The following IL1R1 variants were observed in gnomAD, a reference collection of about 807,000 sequenced individuals.
The protein encoded by IL1R1 is interleukin-1 receptor type 1.
IL1R1 carries 22 observed loss-of-function variants against 50.2 expected under a neutral mutation model. The ratio of observed to expected loss-of-function variants is 0.44; its 90% CI spans 0.31 to 0.63. The LOEUF (loss-of-function observed/expected upper bound fraction) is 0.63, where lower values mean the gene tolerates loss of function less well. Ranked by LOEUF, IL1R1 falls within the 20% of genes least tolerant of loss-of-function variation. IL1R1 has a pLI of 0.07. For synonymous variants in IL1R1, 251 were observed against 236.7 expected (o/e 1.06, Z -0.55); for missense variants, 509 against 676.2 (o/e 0.75, Z 2.74).
At chr2:102,126,520 T>C (rs1314355983) in intron 1 of IL1R1, among the ~76,000 whole-genome samples, 2 of 152,190 alleles carry the variant, frequency 1.3e-5, no homozygotes, top group East Asian at 3.8e-4. Context: ...TTTGTGTTTA[T>C]ATGACAAACA....
chr2:102,153,366 G>A (rs144830946), intron 1 of IL1R1, among the ~76,000 whole-genome samples: 8 of 152,298 alleles, frequency 5.3e-5, no homozygotes, highest in Non-Finnish European at 1.2e-4. Flanking sequence ...TGGTTGTCAA[G>A]CTCTTTGTAT....
At chr2:102,127,244 A>G (rs1681764884) in intron 1 of IL1R1, among the ~76,000 whole-genome samples, 1 of 152,200 alleles carries the variant, frequency 6.6e-6, no homozygotes, top group Non-Finnish European at 1.5e-5. Flanking sequence ...TAAAATTAAT[A>G]CCTGCACATT....
intron 1 of IL1R1, among the ~76,000 whole-genome samples, chr2:102,098,702 G>T (rs1278723812): frequency 6.6e-6 from 1 of 152,194 alleles, no homozygotes; most frequent in Non-Finnish European, 1.5e-5. Flanking sequence ...GGAAAAAAAA[G>T]AGTAGGTGGG....
At chr2:102,140,933 T>C (rs752763225), upstream of IL1R1, among the ~76,000 whole-genome samples, 6 of 152,106 alleles carry the variant, frequency 3.9e-5, no homozygotes, top group Non-Finnish European at 7.4e-5. Context: ...GGACACTGGG[T>C]AGGAGTGGCT....
chr2:102,081,258 G>A (rs1256372281), intron 1 of IL1R1, among the ~76,000 whole-genome samples: 3 of 152,158 alleles, frequency 2.0e-5, no homozygotes, highest in African/African-American at 7.2e-5. Flanking sequence ...GAATATATGA[G>A]AGTATCTATT....
intron 1 of IL1R1, among the ~76,000 whole-genome samples, chr2:102,076,858 C>T (rs940622940): frequency 1.3e-5 from 2 of 151,910 alleles, no homozygotes; most frequent in Non-Finnish European, 2.9e-5. Context: ...GGGTTTGTAG[C>T]CATTATTTAT....
intron 1 of IL1R1, among the ~76,000 whole-genome samples, chr2:102,095,450 A>G (rs6760922): frequency 0.75 from 114,436 of 152,180 alleles, 43,252 homozygotes; most frequent in Admixed American, 0.8. Flanking sequence ...AAATTTTTAC[A>G]TTAAAGAATA....
chr2:102,085,665 C>A (rs1243153615), intron 1 of IL1R1, among the ~76,000 whole-genome samples: 2 of 151,720 alleles, frequency 1.3e-5, no homozygotes, highest in Non-Finnish European at 2.9e-5. Context: ...TTTACTATTC[C>A]TCAAGATTGC....
chr2:102,111,609 T>C (rs1680767388), intron 1 of IL1R1, among the ~76,000 whole-genome samples: 2 of 152,026 alleles, frequency 1.3e-5, no homozygotes, highest in Non-Finnish European at 2.9e-5. Context: ...AATAGAAAGA[T>C]GAAGAAAATT....
chr2:102,101,191 G>T (rs1680126209), upstream of IL1R1, among the ~76,000 whole-genome samples: 1 of 152,208 alleles, frequency 6.6e-6, no homozygotes, highest in African/African-American at 2.4e-5. Context: ...GCTCCTTGGT[G>T]ATGCTCTTGG....
chr2:102,156,863 T>C (rs575173103), intron 2 of IL1R1, among the ~76,000 whole-genome samples: 1 of 152,364 alleles, frequency 6.6e-6, no homozygotes, highest in South Asian at 2.1e-4. Flanking sequence ...AATGACTGCA[T>C]GTCATTAGAA....
At chr2:102,166,529 G>A (rs1387648726) in intron 6 of IL1R1, among the ~76,000 whole-genome samples, 1 of 152,112 alleles carries the variant, frequency 6.6e-6, no homozygotes, top group Non-Finnish European at 1.5e-5. Flanking sequence ...TGATTTAAGA[G>A]GGTTGTTCTT....
At chr2:102,112,332 G>GTT (rs1204888041) in intron 1 of IL1R1, among the ~76,000 whole-genome samples, 1 of 151,758 alleles carries the variant, frequency 6.6e-6, no homozygotes, top group Non-Finnish European at 1.5e-5. Flanking sequence ...GTGTGTGTGT[G>GTT]TGTGTGAGTG....
At chr2:102,111,115 A>G (rs983043382) in intron 1 of IL1R1, among the ~76,000 whole-genome samples, 2 of 152,240 alleles carry the variant, frequency 1.3e-5, no homozygotes, top group African/African-American at 4.8e-5. Flanking sequence ...GGCAGAGGCC[A>G]GAGCATGGTG....
chr2:102,098,265 A>G (rs1222974688), intron 1 of IL1R1, among the ~76,000 whole-genome samples: 2 of 152,164 alleles, frequency 1.3e-5, no homozygotes, highest in Non-Finnish European at 2.9e-5. Context: ...AACCTGATAA[A>G]TGATGTCTAC....
chr2:102,086,533 C>T (rs917224476), intron 1 of IL1R1, among the ~76,000 whole-genome samples: 8 of 144,244 alleles, frequency 5.5e-5, no homozygotes, highest in African/African-American at 1.7e-4. Flanking sequence ...ACGCCTTTCT[C>T]CCCCTCTTTT....
At chr2:102,087,893 C>G (rs1679496252) in intron 1 of IL1R1, among the ~76,000 whole-genome samples, 1 of 152,226 alleles carries the variant, frequency 6.6e-6, no homozygotes, top group South Asian at 2.1e-4. Context: ...AGAGTGGATT[C>G]CATGTCAAGA....
intron 2 of IL1R1, among the ~76,000 whole-genome samples, chr2:102,156,768 C>T (rs914479665): frequency 2.6e-5 from 4 of 152,182 alleles, no homozygotes; most frequent in African/African-American, 4.8e-5. Context: ...CTGCCTTGGG[C>T]TCCCAAAGTA....
chr2:102,125,845 G>A (rs1577905417), intron 1 of IL1R1, among the ~76,000 whole-genome samples: 1 of 152,224 alleles, frequency 6.6e-6, no homozygotes, highest in African/African-American at 2.4e-5. Context: ...TGCCTGGGAT[G>A]CAATAAGACA....
Sources: gnomAD v4.1 joint callset for allele counts (sites outside exome capture counted in the v4.1 genomes callset) on GRCh38, gnomAD v4.1.1 for gene constraint, MANE v1.5 for transcripts, NCBI Gene and HGNC (gene_info 2026-07-23, HGNC 2026-07-21) for gene names.